CCDC141: variants seen among roughly 807,000 people sequenced by gnomAD.
CCDC141 encodes coiled-coil domain-containing protein 141.
CCDC141 carries 168 observed loss-of-function variants against 181.0 expected under a neutral mutation model. That is an observed-to-expected ratio of 0.93 (90% CI 0.82 to 1.05). The LOEUF is 1.05. Among genes scored for constraint, CCDC141 ranks in the 50% least tolerant of loss-of-function variants. The pLI, the probability that CCDC141 is intolerant of heterozygous loss-of-function variation, is 0.00. For missense variants in CCDC141, 1,902 were observed against 1,788.5 expected, an observed-to-expected ratio of 1.06 and a Z score of -1.14; for synonymous variants, 666 against 642.3, an observed-to-expected ratio of 1.04 and a Z score of -0.56.
chr2:178,962,184 A>C (rs1438653992), intron 4 of CCDC141, among the ~76,000 whole-genome samples: 1 of 152,228 alleles, frequency 6.6e-6, no homozygotes, highest in African/African-American at 2.4e-5. Context: ...TAGCATTGTA[A>C]GTTTAGGTAA....
At chr2:178,843,677 C>T (rs759502014) in intron 22 of CCDC141, among the ~76,000 whole-genome samples, 1 of 152,168 alleles carries the variant, frequency 6.6e-6, no homozygotes, top group Non-Finnish European at 1.5e-5. Context: ...ATAATTTCCT[C>T]AGGAATTCTA....
At chr2:178,817,514 C>A in the CCDC141 span, 1 of 470,824 alleles carries the variant, frequency 2.1e-6, no homozygotes, top group African/African-American at 2.0e-5. Context: ...AAGACAAAAC[C>A]ACATGACCTA....
At chr2:178,950,198 A>C (rs1186468243) in intron 5 of CCDC141, among the ~76,000 whole-genome samples, 1 of 152,176 alleles carries the variant, frequency 6.6e-6, no homozygotes, top group Non-Finnish European at 1.5e-5. Flanking sequence ...TTAACCCAAG[A>C]CTTTTTGACA....
intron 2 of CCDC141, among the ~76,000 whole-genome samples, chr2:178,985,022 A>T (rs1691655528): frequency 6.6e-6 from 1 of 151,304 alleles, no homozygotes; most frequent in Non-Finnish European, 1.5e-5. Context: ...CATTTTTTTC[A>T]GCACCACACC....
chr2:178,998,876 A>G (rs917986262), intron 2 of CCDC141, among the ~76,000 whole-genome samples: 1 of 152,180 alleles, frequency 6.6e-6, no homozygotes, highest in African/African-American at 2.4e-5. Context: ...AACTTACTCC[A>G]GAAATGTTAA....
intron 8 of CCDC141, among the ~76,000 whole-genome samples, chr2:178,902,877 C>T (rs924417671): frequency 6.7e-5 from 10 of 149,160 alleles, no homozygotes; most frequent in African/African-American, 2.4e-4. Flanking sequence ...GGCTAATATC[C>T]AGAATCTACA....
At chr2:179,036,436 C>G (rs184873018) in intron 2 of CCDC141, among the ~76,000 whole-genome samples, 4 of 152,280 alleles carry the variant, frequency 2.6e-5, no homozygotes, top group Non-Finnish European at 1.5e-5. Context: ...CTATGTTTTA[C>G]AGAATCGGCC....
intron 7 of CCDC141, among the ~76,000 whole-genome samples, chr2:178,908,124 AAT>A (rs937230437): frequency 1.3e-5 from 2 of 152,232 alleles, no homozygotes; most frequent in African/African-American, 4.8e-5. Context: ...GAACATTTTA[AAT>A]ACATTTTAAA....
At position 178,886,856 on chromosome 2, in the gene CCDC141, G is replaced by C; in HGVS notation, c.1423C>G (p.Gln475Glu). The C allele has an allele frequency of 7.0e-7, 1 of 1,424,656 alleles. No homozygotes were observed. Among genetic ancestry groups the C allele is most frequent in the Non-Finnish European group, 9.2e-7 (1 of 1,090,570 alleles). 88.3% of individuals were successfully genotyped at this position (1,424,656 alleles called of 1,614,324 possible). ...TTAGAAAGTACTGGACTGATTTTCT[G>C]AATTGACATTTCCACCTTTAGGAGT... is the stretch of plus-strand genomic sequence containing the variant. ...GYLRKVEMSI[Q>E]KISPVLSNAM... The change falls in exon 10 of 24, where the codon CAG becomes GAG. Residue 475 changes from glutamine to glutamate, a missense_variant. By Grantham distance (29) the Gln-to-Glu change is conservative. Transcript: ENST00000443758.
chr2:178,983,779 G>C (rs1041588146), intron 2 of CCDC141, among the ~76,000 whole-genome samples: 1 of 151,702 alleles, frequency 6.6e-6, no homozygotes, highest in African/African-American at 2.4e-5. Flanking sequence ...AGAATAAAAA[G>C]AAATGAGCAA....
At chr2:178,985,112 C>G (rs1447541835) in intron 2 of CCDC141, among the ~76,000 whole-genome samples, 1 of 151,284 alleles carries the variant, frequency 6.6e-6, no homozygotes, top group Non-Finnish European at 1.5e-5. Context: ...TTATAACAAA[C>G]TATCTCTCAG....
At chr2:178,872,434 TC>T in intron 12 of CCDC141, 122 bp from the exon 13 acceptor site, 1 of 838,954 alleles carries the variant, frequency 1.2e-6, no homozygotes, top group Non-Finnish European at 1.8e-6. Context: ...GGTTCTGACA[TC>T]CAAGCAAGTC....
At chr2:178,845,273 A>G (rs17453396) in intron 22 of CCDC141, among the ~76,000 whole-genome samples, 11,276 of 152,274 alleles carry the variant, frequency 0.074, 604 homozygotes, top group Admixed American at 0.16. Flanking sequence ...GATAAGTAAA[A>G]TTTGAAGTTG....
Position 179,017,296 on chromosome 2 carries a change from C to T in CCDC141, c.225+29988G>A, listed in dbSNP as rs1042771188. Among the ~76,000 whole-genome samples, 3 of 152,174 alleles carry T rather than the reference C, an allele frequency of 2.0e-5. No individual in the cohort carries two copies. The East Asian group carries it at 5.8e-4, about 29-fold the overall frequency. ...GAGACACCTGTGTTAAGGAACCACA[C>T]CATTCTATTGTAAACTAAAGAAGCC... On this transcript the variant is annotated intron_variant, in intron 2 of 23. Coordinates refer to ENST00000443758, the MANE Select transcript of CCDC141 (RefSeq NM_173648.4).
intron 6 of CCDC141, among the ~76,000 whole-genome samples, chr2:178,925,203 G>A (rs1434489351): frequency 6.6e-6 from 1 of 152,168 alleles, no homozygotes; most frequent in East Asian, 1.9e-4. Flanking sequence ...ATTAGCTGCT[G>A]CTTTCTTATC....
At chr2:178,858,886 T>C (rs1386901278) in intron 17 of CCDC141, among the ~76,000 whole-genome samples, 2 of 152,188 alleles carry the variant, frequency 1.3e-5, no homozygotes, top group Non-Finnish European at 2.9e-5. Context: ...AAGTTCAATG[T>C]CTATTTGAAA....
At chr2:178,959,850 T>C (rs1475874063) in intron 5 of CCDC141, among the ~76,000 whole-genome samples, 1 of 152,256 alleles carries the variant, frequency 6.6e-6, no homozygotes, top group Non-Finnish European at 1.5e-5. Flanking sequence ...CTTTGATTCC[T>C]TCTTTGATGA....
intron 7 of CCDC141, among the ~76,000 whole-genome samples, 193 bp from the exon 8 acceptor site, chr2:178,905,694 G>A (rs566168894): frequency 2.2e-4 from 33 of 152,306 alleles, no homozygotes; most frequent in Admixed American, 6.5e-4. Flanking sequence ...TTAGGAAACT[G>A]ATCATAGCTT....
intron 3 of CCDC141, among the ~76,000 whole-genome samples, chr2:178,977,088 A>G (rs1417577999): frequency 6.6e-6 from 1 of 152,176 alleles, no homozygotes; most frequent in Non-Finnish European, 1.5e-5. Context: ...TTTAGTATGA[A>G]GTGATCCACA....
Sources: allele counts gnomAD v4.1 joint callset (sites outside exome capture counted in the v4.1 genomes callset), GRCh38; gene constraint gnomAD v4.1.1; transcripts MANE v1.5; gene names NCBI Gene and HGNC (gene_info 2026-07-23, HGNC 2026-07-21).